The following WDR1 variants were observed in gnomAD, a reference collection of about 807,000 sequenced individuals.
WDR1 encodes WD repeat-containing protein 1.
Under a neutral mutation model 71.9 loss-of-function variants are expected in WDR1, and 21 were observed. That is an observed-to-expected ratio of 0.29 (90% CI 0.21 to 0.42). WDR1 has a LOEUF of 0.42. Ranked by LOEUF, WDR1 falls within the 10% of genes least tolerant of loss-of-function variation. WDR1 has a pLI of 1.00. For synonymous variants in WDR1, 424 were observed against 347.4 expected, an observed-to-expected ratio of 1.22 and a Z score of -2.45; for missense variants, 696 against 824.5, an observed-to-expected ratio of 0.84 and a Z score of 1.91.
intron 9 of WDR1, chr4:10,083,759 C>G: frequency 2.2e-6 from 1 of 450,740 alleles, no homozygotes; most frequent in Non-Finnish European, 4.5e-6. Context: ...AGGTTCAAGA[C>G]ACACCCGTGA....
chr4:10,090,418 G>C (rs1711892834), intron 5 of WDR1, among the ~76,000 whole-genome samples: 2 of 152,200 alleles, frequency 1.3e-5, no homozygotes, highest in South Asian at 4.1e-4. Flanking sequence ...GTCAGCAGAA[G>C]ATACAGACAC....
In WDR1 at chr4:10,081,388, C is replaced by A; in HGVS notation, c.1253G>T (p.Gly418Val). ...VQPKCVAVGPGGYAVVVCIGQ... is the reference protein window; with the variant it reads ...VQPKCVAVGPVGYAVVVCIGQ... ...AATGCACACGACCACGGCGTATCCC[C>A]CGGGGCCGACGGCTACGCACTTTGG... is the stretch of plus-strand genomic sequence containing the variant. The change falls in exon 11 of 15, where the codon GGG becomes GTG. Residue 418 changes from glycine (G) to valine (V), a missense_variant. Transcript: ENST00000499869. 2.5e-6 allele frequency: 4 copies of A among 1,613,938 alleles called. No individual in the cohort carries two copies. The highest frequency in any genetic ancestry group is 3.4e-6 in the Non-Finnish European group (4 of 1,179,872).
At chr4:10,092,197 G>A (rs990463649) in intron 5 of WDR1, 1 of 152,132 alleles carries the variant, frequency 6.6e-6, no homozygotes, top group African/African-American at 2.4e-5. Flanking sequence ...GGGTCCTTCT[G>A]ACGAATGAGT....
chr4:10,096,975 C>T (rs1712384419), intron 5 of WDR1, among the ~76,000 whole-genome samples: 2 of 152,224 alleles, frequency 1.3e-5, no homozygotes, highest in African/African-American at 2.4e-5. Flanking sequence ...TGCTGGGCTC[C>T]TCCCCTCACT....
chr4:10,116,577 C>A, intron 1 of WDR1, 74 bp downstream of exon 1: 1 of 1,101,046 alleles, frequency 9.1e-7, no homozygotes, highest in Non-Finnish European at 1.1e-6. Flanking sequence ...GCCACCCGCA[C>A]GGCGCCTAGG....
At position 10,087,732 on chromosome 4, in the gene WDR1, G is replaced by A. The variant is rs369786399; in HGVS notation, c.926C>T (p.Pro309Leu). The A allele has an allele frequency of 6.3e-7, 1 of 1,599,484 alleles. No homozygotes were observed. Among genetic ancestry groups the A allele is most frequent in the Non-Finnish European group, 8.5e-7 (1 of 1,172,694 alleles). ...GYINYLDRNN[P>L]SKPLHVIKGH... ...CTTGATGACGTGCAGGGGCTTGCTG[G>A]GGTTGTTTCTGTCCAGATAGTTGAT... The change falls in exon 8 of 15, where the codon CCC (proline) becomes CTC (leucine). Residue 309 changes from proline to leucine, a missense_variant. Transcript: ENST00000499869.
chr4:10,086,794 T>TA (rs1262972328), intron 8 of WDR1, among the ~76,000 whole-genome samples: 30 of 152,302 alleles, frequency 2.0e-4, no homozygotes. Context: ...GCCTTGATAT[T>TA]ACAGCTTAGA....
intron 3 of WDR1, among the ~76,000 whole-genome samples, chr4:10,101,660 C>G (rs1359713659): frequency 1.3e-5 from 2 of 152,206 alleles, no homozygotes; most frequent in African/African-American, 2.4e-5. Flanking sequence ...TCCGCAACAG[C>G]CTTCCATTGA....
rs1432383874 is a variant in WDR1, at chr4:10,078,930, T to A, written c.1356A>T (p.Ala452=). Residue 452 remains alanine, a synonymous_variant, in exon 12 of 15, where the codon GCA becomes GCT. Coordinates refer to ENST00000499869, the MANE Select transcript of WDR1 (RefSeq NM_017491.5). ...DNPGYEPEVV[A]VHPGGDTVAI... ...CCACCGTGTCCCCGCCGGGGTGCACTGCCACAACTTCGGGCTCGTAGCCGG... is the reference window on the plus strand; with the variant it reads ...CCACCGTGTCCCCGCCGGGGTGCACAGCCACAACTTCGGGCTCGTAGCCGG... 6.2e-7 allele frequency: 1 copy of A among 1,612,920 alleles called. No homozygotes were observed. Among genetic ancestry groups the A allele is most frequent in the Non-Finnish European group, 8.5e-7 (1 of 1,179,432 alleles).
chr4:10,088,465 G>A, intron 6 of WDR1, 92 bp from the exon 7 acceptor site: 1 of 1,339,640 alleles, frequency 7.5e-7, no homozygotes, highest in Non-Finnish European at 1.0e-6. Flanking sequence ...AGAAAACCGG[G>A]GCTCACAGAC....
At chr4:10,099,528 C>G (rs888213549) in intron 3 of WDR1, among the ~76,000 whole-genome samples, 5 of 152,250 alleles carry the variant, frequency 3.3e-5, no homozygotes, top group African/African-American at 1.2e-4. Context: ...GTAGGGGCAT[C>G]AGAATGACGT....
intron 8 of WDR1, among the ~76,000 whole-genome samples, chr4:10,085,171 G>A (rs3822249): frequency 6.6e-6 from 1 of 152,068 alleles, no homozygotes; most frequent in Non-Finnish European, 1.5e-5. Flanking sequence ...CTGAGCCTGA[G>A]ACAAAAATAA....
rs1712224899 is a variant in WDR1 at position 10,094,830 on chromosome 4, G to T, written c.558+2881C>A. On this transcript the variant is annotated intron_variant, in intron 5 of 14. Coordinates refer to ENST00000499869, the MANE Select transcript of WDR1 (RefSeq NM_017491.5). ...GGTCCCTCAGGACGAGGGGCACACA[G>T]GGAATGCTGCTTGCATTTCAGCTCA... The T allele has an allele frequency of 2.0e-5, 3 of 152,248 alleles. No individual in the cohort carries two copies. In the South Asian group the frequency reaches 6.2e-4, roughly 32 times the overall value. 9.4% of individuals were successfully genotyped at this position (152,248 alleles called of 1,614,324 possible).
chr4:10,116,599 G>C (rs1384773346), intron 1 of WDR1, 52 bp downstream of exon 1: 9 of 1,166,650 alleles, frequency 7.7e-6, no homozygotes, highest in South Asian at 8.3e-5. Flanking sequence ...GCCGGGGACC[G>C]GGGCCGGGGC....
chr4:10,077,835 G>A lies in WDR1; in HGVS notation c.1487C>T (p.Ala496Val), dbSNP rs773824385. 1 of 1,609,274 alleles carries A rather than the reference G, an allele frequency of 6.2e-7. No homozygotes were observed. The highest frequency in any genetic ancestry group is 8.5e-7 in the Non-Finnish European group (1 of 1,177,976). ...GAGGAAGGCGCCGTCGTGGGAGTAG[G>A]CCACGTCGGTCACGGGGCCCTTGGC... is the stretch of plus-strand genomic sequence containing the variant. ...LEAKGPVTDV[A>V]YSHDGAFLAV... Residue 496 changes from alanine (A) to valine (V), a missense_variant, in exon 13 of 15, where the codon GCC becomes GTC. By Grantham distance (64) the Ala-to-Val change is moderately conservative. Transcript: ENST00000499869.
Position 10,087,703 on chromosome 4 carries a change from T to A in WDR1, c.951+4A>T, listed in dbSNP as rs759883159. On this transcript the variant is annotated splice_donor_region_variant and intron_variant, in intron 8 of 14. Coordinates refer to ENST00000499869, the MANE Select transcript of WDR1 (RefSeq NM_017491.5). ...GGCAGAGCCTTCCCCAGGGCAGGCCTTACCTTGATGACGTGCAGGGGCTTG... is the reference window on the plus strand; with the variant it reads ...GGCAGAGCCTTCCCCAGGGCAGGCCATACCTTGATGACGTGCAGGGGCTTG... The A allele has an allele frequency of 3.8e-6, 6 of 1,582,328 alleles. No individual in the cohort carries two copies. The South Asian group carries it at 6.9e-5, about 18-fold the overall frequency.
chr4:10,083,041 G>A lies in WDR1; in HGVS notation c.1177C>T (p.Leu393Phe). 3.7e-6 allele frequency: 6 copies of A among 1,613,258 alleles called. No homozygotes were observed. Among genetic ancestry groups the A allele is most frequent in the Non-Finnish European group, 5.1e-6 (6 of 1,179,474 alleles). ...SMDDTVRYTS[L>F]MLRDYSGQGV... ...TCTCACCTGTAGTCCCGCAGCATGA[G>A]GCTGGTGTACCGCACGGTGTCGTCC... The change falls in exon 10 of 15, where the codon CTC becomes TTC. Residue 393 changes from leucine (L) to phenylalanine (F), a missense_variant. Physicochemically the swap from Leu to Phe is conservative, Grantham distance 22. Coordinates refer to ENST00000499869, the MANE Select transcript of WDR1 (RefSeq NM_017491.5).
chr4:10,097,916 GACA>G, intron 4 of WDR1, 25 bp from the exon 5 acceptor site: 45 of 904,046 alleles, frequency 5.0e-5, no homozygotes, highest in South Asian at 3.6e-4. Context: ...ACAGGTGGAA[GACA>G]AAAAAAAAAA....
At chr4:10,115,761 G>A (rs1365852227) in intron 2 of WDR1, 2 of 178,800 alleles carry the variant, frequency 1.1e-5, no homozygotes, top group Non-Finnish European at 2.4e-5. Flanking sequence ...CCTCAAATCC[G>A]GAGCCCTTGC....
Sources: allele counts gnomAD v4.1 joint callset (sites outside exome capture counted in the v4.1 genomes callset), GRCh38; gene constraint gnomAD v4.1.1; transcripts MANE v1.5; gene names NCBI Gene and HGNC (gene_info 2026-07-23, HGNC 2026-07-21).